SEC24B: variants seen among roughly 807,000 people sequenced by gnomAD.
SEC24B encodes protein transport protein Sec24B.
Under a neutral mutation model 142.8 loss-of-function variants are expected in SEC24B, and 45 were observed. The ratio of observed to expected loss-of-function variants is 0.32; its 90% CI spans 0.25 to 0.40. The LOEUF (loss-of-function observed/expected upper bound fraction) is 0.40, where lower values mean the gene tolerates loss of function less well. Ranked by LOEUF, SEC24B falls within the 10% of genes least tolerant of loss-of-function variation. The pLI, the probability that SEC24B is intolerant of heterozygous loss-of-function variation, is 1.00. For missense variants in SEC24B, 1,409 were observed against 1,526.8 expected (o/e 0.92, Z 1.29); for synonymous variants, 574 against 568.2 (o/e 1.01, Z -0.15).
At position 109,481,762 on chromosome 4, in the gene SEC24B, G is replaced by A. The variant is rs1332876663; in HGVS notation, c.1146G>A (p.Glu382=). ...CAACTTCCGATGATGAGGAAGAGGA[G>A]GAGGAGGATGAGGAAGCAGGTCTGC... ...LSSTSDDEEE[E]EEDEEAGVDS... The change falls in exon 4 of 24, where the codon GAG becomes GAA. Residue 382 remains glutamate (E), a synonymous_variant. Transcript: ENST00000265175. 2 of 1,613,436 alleles carry A rather than the reference G, an allele frequency of 1.2e-6. No individual in the cohort carries two copies. Among genetic ancestry groups the A allele is most frequent in the South Asian group, 1.1e-5 (1 of 91,056 alleles).
At chr4:109,439,948 C>A (rs1207886845) in intron 1 of SEC24B, among the ~76,000 whole-genome samples, 5 of 151,106 alleles carry the variant, frequency 3.3e-5, no homozygotes, top group African/African-American at 1.2e-4. Flanking sequence ...GGATGAAACC[C>A]GTCTCTACTA....
chr4:109,435,036 T>C (rs545810979), intron 1 of SEC24B, among the ~76,000 whole-genome samples: 1 of 152,360 alleles, frequency 6.6e-6, no homozygotes, highest in African/African-American at 2.4e-5. Flanking sequence ...TGTCCTGTGT[T>C]GGTACGAGAA....
chr4:109,527,607 C>T (rs1445409203), intron 18 of SEC24B, among the ~76,000 whole-genome samples, 175 bp downstream of exon 18: 2 of 152,080 alleles, frequency 1.3e-5, no homozygotes, highest in African/African-American at 4.8e-5. Context: ...CCCATCTCTA[C>T]TAAAAATACG....
intron 6 of SEC24B, among the ~76,000 whole-genome samples, chr4:109,504,453 G>A (rs1387010113): frequency 6.6e-6 from 1 of 151,826 alleles, no homozygotes; most frequent in Non-Finnish European, 1.5e-5. Context: ...AACTGAGTCT[G>A]TTGTTCTGTA....
chr4:109,486,198 G>T lies in SEC24B; in HGVS notation c.1165+4417G>T, dbSNP rs559971906. Among the ~76,000 whole-genome samples the T allele has an allele frequency of 3.1e-4, 47 of 152,264 alleles. 1 individual carries two copies. The highest frequency in any genetic ancestry group is 1.1e-3 in the African/African-American group (47 of 41,560). Reference sequence around the variant, plus strand: ...AGTAGGTGTTATTATGAAATCTGTTGTTACTAATGAGGAGCAGCTCAGAGA... The same window carrying T: ...AGTAGGTGTTATTATGAAATCTGTTTTTACTAATGAGGAGCAGCTCAGAGA... On this transcript the variant is annotated intron_variant, in intron 4 of 23. Transcript: ENST00000265175.
intron 1 of SEC24B, chr4:109,449,463 C>T (rs972635351): frequency 2.2e-6 from 1 of 452,254 alleles, no homozygotes; most frequent in Non-Finnish European, 4.4e-6. Flanking sequence ...AACTCCTGGA[C>T]CCAAGCAATC....
At chr4:109,441,366 A>C (rs1315842595) in intron 1 of SEC24B, among the ~76,000 whole-genome samples, 1 of 152,200 alleles carries the variant, frequency 6.6e-6, no homozygotes, top group Non-Finnish European at 1.5e-5. Context: ...TGAGAAGCAT[A>C]TCAGATTATA....
At chr4:109,482,979 TACACAC>T (rs1554001099) in intron 4 of SEC24B, among the ~76,000 whole-genome samples, 4 of 26,406 alleles carry the variant, frequency 1.5e-4, no homozygotes, top group Non-Finnish European at 3.0e-4. Flanking sequence ...TATATATATA[TACACAC>T]ACACACACAC....
intron 3 of SEC24B, among the ~76,000 whole-genome samples, chr4:109,478,360 A>G (rs1733393266): frequency 6.6e-6 from 1 of 151,870 alleles, no homozygotes; most frequent in African/African-American, 2.4e-5. Flanking sequence ...TTTTTTTCTA[A>G]TGATGTGCCC....
rs764260900 is a variant in SEC24B at position 109,494,763 on chromosome 4, A to T, written c.1395A>T (p.Thr465=). 4.2e-5 allele frequency: 67 copies of T among 1,614,098 alleles called. No homozygotes were observed. Among genetic ancestry groups the T allele is most frequent in the Middle Eastern group, 1.6e-4 (1 of 6,062 alleles). The change falls in exon 6 of 24, where the codon ACA becomes ACT. Residue 465 remains threonine (T), a synonymous_variant. Coordinates refer to ENST00000265175, the MANE Select transcript of SEC24B (RefSeq NM_006323.5). ...AGCCTTTTGGCTATGGCTATCCAAC[A>T]CTTCAGCCTGGTTATCAGAATGCTA... ...MAKPFGYGYP[T]LQPGYQNATA... is the part of the protein sequence containing the mutation.
chr4:109,472,198 A>G (rs1732594402), intron 2 of SEC24B, among the ~76,000 whole-genome samples: 1 of 152,168 alleles, frequency 6.6e-6, no homozygotes, highest in African/African-American at 2.4e-5. Flanking sequence ...ACATACATAC[A>G]TGTGCAGGTA....
chr4:109,484,380 T>C (rs1205858984), intron 4 of SEC24B, among the ~76,000 whole-genome samples: 1 of 152,224 alleles, frequency 6.6e-6, no homozygotes, highest in Non-Finnish European at 1.5e-5. Context: ...TGTCAATTTG[T>C]TCTCATATTG....
At chr4:109,506,809 C>T (rs1035977652) in intron 7 of SEC24B, among the ~76,000 whole-genome samples, 1 of 152,154 alleles carries the variant, frequency 6.6e-6, no homozygotes, top group African/African-American at 2.4e-5. Context: ...TCTTTTTCCT[C>T]ACTTTTCAAT....
At chr4:109,521,213 A>G in intron 13 of SEC24B, 41 bp downstream of exon 13, 1 of 1,237,252 alleles carries the variant, frequency 8.1e-7, no homozygotes. Flanking sequence ...AAATATTTAT[A>G]TTGTGACTGG....
At chr4:109,484,603 C>T (rs1443058685) in intron 4 of SEC24B, among the ~76,000 whole-genome samples, 1 of 152,154 alleles carries the variant, frequency 6.6e-6, no homozygotes, top group African/African-American at 2.4e-5. Context: ...GTAATCCCAG[C>T]ACTTTGGAAG....
Position 109,473,099 on chromosome 4 carries a change from T to G in SEC24B, c.973T>G (p.Ser325Ala). The stretch of plus-strand genomic sequence containing the variant: ...TGTTTTATCAGGATCCTCAGGATCC[T>G]CATCAACAAGAACACCTCCCACTGC... ...STVLSGSSGS[S>A]STRTPPTANH... is the part of the protein sequence containing the mutation. Residue 325 changes from serine to alanine, a missense_variant, in exon 3 of 24, where the codon TCA becomes GCA. Physicochemically the swap from Ser to Ala is moderately conservative, Grantham distance 99. This residue lies in a region of SEC24B where 709 missense variants were observed against 673.5 expected (regional missense o/e 1.05). Coordinates refer to ENST00000265175, the MANE Select transcript of SEC24B (RefSeq NM_006323.5). The G allele has an allele frequency of 6.2e-7, 1 of 1,602,194 alleles. No individual in the cohort carries two copies. Among genetic ancestry groups the G allele is most frequent in the Non-Finnish European group, 8.5e-7 (1 of 1,174,498 alleles).
At chr4:109,517,989 A>G (rs960112029) in intron 11 of SEC24B, among the ~76,000 whole-genome samples, 1 of 151,020 alleles carries the variant, frequency 6.6e-6, no homozygotes, top group South Asian at 2.1e-4. Context: ...ATTTTTTGAG[A>G]CAGAGTCTCG....
chr4:109,465,188 A>G (rs931636542), intron 2 of SEC24B, among the ~76,000 whole-genome samples: 3 of 152,226 alleles, frequency 2.0e-5, no homozygotes, highest in African/African-American at 7.2e-5. Context: ...AGTAGAGGCG[A>G]ACAAGAAAAA....
intron 11 of SEC24B, among the ~76,000 whole-genome samples, chr4:109,519,131 C>T (rs1723315604): frequency 6.6e-6 from 1 of 152,000 alleles, no homozygotes; most frequent in Non-Finnish European, 1.5e-5. Flanking sequence ...AGTTTTAATC[C>T]CCCAAGAGGG....
Sources: gnomAD v4.1 joint callset for allele counts (sites outside exome capture counted in the v4.1 genomes callset) on GRCh38, gnomAD v4.1.1 for gene constraint, gnomAD v4.1.1 regional missense constraint, MANE v1.5 for transcripts, NCBI Gene and HGNC (gene_info 2026-07-23, HGNC 2026-07-21) for gene names.